EFHD1: variants seen among roughly 807,000 people sequenced by gnomAD.
EFHD1 encodes EF-hand domain family member D1, also known as EF-hand domain-containing protein D1.
A neutral mutation model predicts 17.2 loss-of-function variants in EFHD1; 10 were observed. The ratio of observed to expected loss-of-function variants is 0.58; its 90% CI spans 0.36 to 0.99. The LOEUF (loss-of-function observed/expected upper bound fraction) is 0.99. Among genes scored for constraint, EFHD1 ranks in the 50% least tolerant of loss-of-function variants. The probability of loss-of-function intolerance (pLI) is 0.01; values close to 1 mark genes in which losing one functional copy is unlikely to be tolerated. For synonymous variants in EFHD1, 153 were observed against 142.0 expected, an observed-to-expected ratio of 1.08 and a Z score of -0.55; for missense variants, 310 against 327.5, an observed-to-expected ratio of 0.95 and a Z score of 0.41.
At chr2:232,652,360 A>T (rs1694673112) in intron 1 of EFHD1, among the ~76,000 whole-genome samples, 2 of 152,228 alleles carry the variant, frequency 1.3e-5, no homozygotes, top group South Asian at 4.1e-4. Context: ...GGACATGGGG[A>T]CACTGAGCAC....
intron 1 of EFHD1, among the ~76,000 whole-genome samples, chr2:232,609,957 G>T (rs1693781795): frequency 6.6e-6 from 1 of 152,172 alleles, no homozygotes; most frequent in African/African-American, 2.4e-5. Context: ...CACTGTGGTT[G>T]CTCCCTGTGG....
Position 232,672,360 on chromosome 2 carries a change from G to A in EFHD1, c.502G>A (p.Gly168Arg), listed in dbSNP as rs970857149. 1.2e-6 allele frequency: 2 copies of A among 1,614,202 alleles called. No individual in the cohort carries two copies. The highest frequency in any genetic ancestry group is 1.7e-6 in the Non-Finnish European group (2 of 1,180,036). The change falls in exon 3 of 4, where the codon GGG becomes AGG. Residue 168 changes from glycine to arginine, a missense_variant. By Grantham distance (125) the Gly-to-Arg change is moderately radical. Transcript: ENST00000264059. ...GGCAGGGGAGCTGCAGGAGGACAGT[G>A]GGCTGATGGCGCTGGCAAAGCTTTC... ...AAAGELQEDSGLMALAKLSEI... is the reference protein window; with the variant it reads ...AAAGELQEDSRLMALAKLSEI...
intron 1 of EFHD1, among the ~76,000 whole-genome samples, chr2:232,653,834 A>G (rs781114658): frequency 1.3e-5 from 2 of 152,080 alleles, no homozygotes; most frequent in Non-Finnish European, 2.9e-5. Flanking sequence ...CTTCTATGGG[A>G]CTTGCCCACT....
intron 2 of EFHD1, among the ~76,000 whole-genome samples, chr2:232,671,969 A>T (rs1007984711): frequency 4.0e-5 from 6 of 149,336 alleles, no homozygotes; most frequent in African/African-American, 1.5e-4. Flanking sequence ...AGACATGAGA[A>T]TCGCTTGAGC....
intron 1 of EFHD1, among the ~76,000 whole-genome samples, chr2:232,614,141 CATAT>C (rs1417577446): frequency 2.0e-5 from 3 of 151,958 alleles, no homozygotes; most frequent in Admixed American, 2.0e-4. Context: ...TACACACATA[CATAT>C]ACACACACAC....
chr2:232,639,002 G>C (rs1383196530), intron 1 of EFHD1, among the ~76,000 whole-genome samples: 1 of 152,152 alleles, frequency 6.6e-6, no homozygotes, highest in Admixed American at 6.6e-5. Flanking sequence ...CTGTGTCTTA[G>C]ACGGGTTTAA....
intron 1 of EFHD1, among the ~76,000 whole-genome samples, chr2:232,657,062 G>C (rs1694776525): frequency 6.6e-6 from 1 of 152,216 alleles, no homozygotes; most frequent in Non-Finnish European, 1.5e-5. Flanking sequence ...TAACAGGCAA[G>C]CCTGACTGCA....
At chr2:232,656,118 T>C (rs922558442) in intron 1 of EFHD1, among the ~76,000 whole-genome samples, 13 of 152,130 alleles carry the variant, frequency 8.5e-5, no homozygotes, top group African/African-American at 3.1e-4. Context: ...TGTGGGGTCT[T>C]AAGTCCATTC....
chr2:232,611,993 C>A (rs1180092031), intron 1 of EFHD1: 1 of 152,142 alleles, frequency 6.6e-6, no homozygotes. Flanking sequence ...AATGTGGAAA[C>A]CTTAACAGCA....
rs1559342637 is a variant in EFHD1 at position 232,633,905 on chromosome 2, G to A, written c.201G>A (p.Glu67=). ...AQLSRRLDIN[E]GAARPRRCRV... Reference sequence around the variant, plus strand: ...TGAGCCGGCGGCTGGACATCAACGAGGGCGCTGCGCGGCCCCGGCGCTGCA... The same window carrying A: ...TGAGCCGGCGGCTGGACATCAACGAAGGCGCTGCGCGGCCCCGGCGCTGCA... The change falls in exon 1 of 4, where the codon GAG becomes GAA. Residue 67 remains glutamate (E), a synonymous_variant. Transcript: ENST00000264059. 6.3e-7 allele frequency: 1 copy of A among 1,577,840 alleles called. No individual in the cohort carries two copies.
chr2:232,658,283 C>T lies in EFHD1; in HGVS notation c.303-4519C>T, dbSNP rs138740893. On this transcript the variant is annotated intron_variant, in intron 1 of 3. Coordinates refer to ENST00000264059, the MANE Select transcript of EFHD1 (RefSeq NM_025202.4). ...TGAGATCTTTTGGGCCTAGATTCTG[C>T]CCCAACTTTGTGTCACCAGCGAATC... is the stretch of plus-strand genomic sequence containing the variant. 1.1e-3 allele frequency among the ~76,000 whole-genome samples: 168 copies of T among 152,260 alleles called. 1 individual carries two copies. Among genetic ancestry groups the T allele is most frequent in the African/African-American group, 3.8e-3 (158 of 41,564 alleles).
At chr2:232,613,801 A>C (rs1027913610) in intron 1 of EFHD1, among the ~76,000 whole-genome samples, 4 of 140,110 alleles carry the variant, frequency 2.9e-5, no homozygotes, top group Non-Finnish European at 6.1e-5. Flanking sequence ...TATACACACA[A>C]AAATATACAC....
intron 1 of EFHD1, among the ~76,000 whole-genome samples, chr2:232,662,182 TGGCCCTGTTAGAG>T (rs1694882043): frequency 6.6e-6 from 1 of 151,838 alleles, no homozygotes; most frequent in Non-Finnish European, 1.5e-5. Context: ...AGCAGAGGGG[TGGCCCTGTTAGAG>T]GACAGAGTCA....
intron 1 of EFHD1, among the ~76,000 whole-genome samples, chr2:232,643,923 C>T (rs912437114): frequency 1.3e-5 from 2 of 152,202 alleles, no homozygotes; most frequent in Admixed American, 1.3e-4. Context: ...GGGAGCAGCC[C>T]ATTCCTGGGG....
intron 1 of EFHD1, among the ~76,000 whole-genome samples, chr2:232,635,912 G>C (rs1694310833): frequency 6.6e-6 from 1 of 151,966 alleles, no homozygotes; most frequent in Non-Finnish European, 1.5e-5. Context: ...TTTCTTTCTA[G>C]GTTGAGTTTT....
At chr2:232,610,792 A>G (rs1266630414) in intron 1 of EFHD1, 1 of 151,092 alleles carries the variant, frequency 6.6e-6, no homozygotes, top group Non-Finnish European at 1.5e-5. Context: ...TGGGAGGATC[A>G]TCTGAGCCTG....
intron 1 of EFHD1, among the ~76,000 whole-genome samples, chr2:232,637,881 T>C (rs2106195769): frequency 6.6e-6 from 1 of 152,318 alleles, no homozygotes; most frequent in Non-Finnish European, 1.5e-5. Context: ...TTAAAAAAAC[T>C]GGATCCTTCC....
At chr2:232,617,984 A>G (rs1693958625) in intron 1 of EFHD1, among the ~76,000 whole-genome samples, 1 of 151,488 alleles carries the variant, frequency 6.6e-6, no homozygotes, top group African/African-American at 2.4e-5. Flanking sequence ...AACCCTTATA[A>G]CTCAACAGTA....
chr2:232,629,956 GTT>G (rs1435650762), upstream of EFHD1, among the ~76,000 whole-genome samples: 1 of 151,146 alleles, frequency 6.6e-6, no homozygotes, highest in African/African-American at 2.4e-5. Flanking sequence ...TTTTTTGTTT[GTT>G]TGTTTGTTTG....
Sources: allele counts gnomAD v4.1 joint callset (sites outside exome capture counted in the v4.1 genomes callset), GRCh38; gene constraint gnomAD v4.1.1; transcripts MANE v1.5; gene names NCBI Gene and HGNC (gene_info 2026-07-23, HGNC 2026-07-21).